Variants in LRBA observed in about 807,000 individuals in gnomAD.
LRBA encodes lipopolysaccharide-responsive and beige-like anchor protein.
LRBA carries 176 observed loss-of-function variants against 330.0 expected under a neutral mutation model. That is an observed-to-expected ratio of 0.53 (90% CI 0.47 to 0.60). The LOEUF (loss-of-function observed/expected upper bound fraction) is 0.60, where lower values mean the gene tolerates loss of function less well. Ranked by LOEUF, LRBA falls within the 20% of genes least tolerant of loss-of-function variation. The pLI, the probability that LRBA is intolerant of heterozygous loss-of-function variation, is 0.00. For synonymous variants in LRBA, 1,230 were observed against 1,193.0 expected (o/e 1.03, Z -0.64); for missense variants, 3,259 against 3,444.8 (o/e 0.95, Z 1.35).
chr4:151,012,652 A>C (rs965786108), intron 2 of LRBA, among the ~76,000 whole-genome samples: 72 of 152,150 alleles, frequency 4.7e-4, no homozygotes, highest in Non-Finnish European at 4.4e-4. Flanking sequence ...TCATTATACT[A>C]TTCTATTTTT....
In LRBA at chr4:150,871,374, T is replaced by G. The variant is rs1273184429; in HGVS notation, c.2338A>C (p.Thr780Pro). Residue 780 changes from threonine to proline, a missense_variant, in exon 19 of 57, where the codon ACA (threonine) becomes CCA (proline). Transcript: ENST00000651943. ...AACAGCACATTATATGTGGTCATTG[T>G]GATTAAATTTGTCTGAAGCATGAGC... ...ERLMLQTNLI[T>P]MTTYNVLFEI... 4.3e-6 allele frequency: 7 copies of G among 1,610,802 alleles called. No individual in the cohort carries two copies. The highest frequency in any genetic ancestry group is 5.9e-6 in the Non-Finnish European group (7 of 1,177,196).
intron 34 of LRBA, among the ~76,000 whole-genome samples, chr4:150,784,289 A>G (rs1401268922): frequency 1.3e-5 from 2 of 152,172 alleles, no homozygotes; most frequent in Non-Finnish European, 2.9e-5. Flanking sequence ...GGAAGTTTTC[A>G]TTTTTAAAGC....
At chr4:150,274,512 G>A (rs1164942350) in intron 56 of LRBA, among the ~76,000 whole-genome samples, 5 of 151,932 alleles carry the variant, frequency 3.3e-5, no homozygotes, top group Non-Finnish European at 7.4e-5. Context: ...TCCAGGAGCT[G>A]GTTTTTTTGA....
chr4:150,380,982 CAAAAAAAAAAAAAAA>C (rs58528401), intron 47 of LRBA, among the ~76,000 whole-genome samples: 1 of 61,008 alleles, frequency 1.6e-5, no homozygotes, highest in Non-Finnish European at 3.0e-5. Context: ...AACTCCATCT[CAAAAAAAAAAAAAAA>C]AAAAAAAAAA....
intron 37 of LRBA, among the ~76,000 whole-genome samples, chr4:150,671,774 GGAA>G (rs1782086383): frequency 6.6e-6 from 1 of 152,162 alleles, no homozygotes; most frequent in Non-Finnish European, 1.5e-5. Flanking sequence ...TGAGTCTTCA[GGAA>G]GAAGAGAGAG....
chr4:150,975,123 G>C (rs1561079909), intron 2 of LRBA, among the ~76,000 whole-genome samples: 2 of 152,146 alleles, frequency 1.3e-5, no homozygotes, highest in Admixed American at 6.5e-5. Flanking sequence ...AATTTCAAGA[G>C]AAACAACAAT....
chr4:150,659,050 G>A (rs1280288328), intron 37 of LRBA, among the ~76,000 whole-genome samples: 43 of 130,290 alleles, frequency 3.3e-4, no homozygotes, highest in Non-Finnish European at 6.2e-4. Context: ...GTGCAGTGGC[G>A]TGATCTCGGC....
At chr4:150,325,324 G>T (rs900124907) in intron 49 of LRBA, among the ~76,000 whole-genome samples, 1 of 152,062 alleles carries the variant, frequency 6.6e-6, no homozygotes, top group African/African-American at 2.4e-5. Flanking sequence ...CTAAGTTTTG[G>T]GTGGTTTGTT....
chr4:150,553,872 AGAGAT>A (rs1174384552), intron 40 of LRBA, among the ~76,000 whole-genome samples: 5 of 152,216 alleles, frequency 3.3e-5, no homozygotes, highest in Non-Finnish European at 5.9e-5. Context: ...ATTAGCCCAA[AGAGAT>A]TCAAGTAAAC....
At chr4:150,412,438 ATCT>A (rs1747137026) in intron 47 of LRBA, among the ~76,000 whole-genome samples, 1 of 152,136 alleles carries the variant, frequency 6.6e-6, no homozygotes, top group Non-Finnish European at 1.5e-5. Flanking sequence ...GTAAACCACA[ATCT>A]TCTTTTCCTT....
Position 150,828,330 on chromosome 4 carries a change from T to C in LRBA, c.5021A>G (p.Lys1674Arg). The C allele has an allele frequency of 6.2e-7, 1 of 1,614,188 alleles. No homozygotes were observed. Among genetic ancestry groups the C allele is most frequent in the Non-Finnish European group, 8.5e-7 (1 of 1,180,020 alleles). The change falls in exon 30 of 57, where the codon AAA (lysine) becomes AGA (arginine). Residue 1674 changes from lysine to arginine, a missense_variant. By Grantham distance (26) the Lys-to-Arg change is conservative. Transcript: ENST00000651943. ...TKATPSVSVS[K>R]NVNVKDILRS... ...GAGAATGTCTTTCACATTGACGTTT[T>C]TTGAAACTGAAACTGACGGTGTAGC...
intron 40 of LRBA, among the ~76,000 whole-genome samples, chr4:150,564,620 T>G (rs1451910808): frequency 6.6e-6 from 1 of 151,974 alleles, no homozygotes; most frequent in East Asian, 1.9e-4. Flanking sequence ...TGGGGGAAAA[T>G]GTTTGCAATC....
Position 150,908,687 on chromosome 4 carries a change from A to G in LRBA, c.1332T>C (p.Val444=). ...GGAGCATGAGTGCATGTGGTGAATG[A>G]ACAAAAATTGAAGGGTTGTCCTTAG... ...SSPKDNPSIF[V]HSPHALMLQD... is the part of the protein sequence containing the mutation. Residue 444 remains valine, a synonymous_variant, in exon 10 of 57, where the codon GTT becomes GTC. Transcript: ENST00000651943. 6.2e-7 allele frequency: 1 copy of G among 1,613,958 alleles called. No homozygotes were observed. Among genetic ancestry groups the G allele is most frequent in the South Asian group, 1.1e-5 (1 of 91,066 alleles).
At chr4:150,619,602 A>G (rs1455673925) in intron 37 of LRBA, among the ~76,000 whole-genome samples, 1 of 152,166 alleles carries the variant, frequency 6.6e-6, no homozygotes, top group African/African-American at 2.4e-5. Context: ...TGTTATTACT[A>G]TACAGATTCC....
intron 17 of LRBA, among the ~76,000 whole-genome samples, chr4:150,885,634 A>T (rs760091263): frequency 7.2e-5 from 11 of 152,108 alleles, no homozygotes; most frequent in Non-Finnish European, 1.6e-4. Flanking sequence ...AAAAAAAGTG[A>T]ATCACAACTA....
chr4:150,469,742 G>A (rs757489211), intron 43 of LRBA, among the ~76,000 whole-genome samples: 6 of 152,050 alleles, frequency 3.9e-5, no homozygotes, highest in Non-Finnish European at 8.8e-5. Context: ...CTCTAACAGG[G>A]TCTTTTCTTT....
intron 38 of LRBA, among the ~76,000 whole-genome samples, chr4:150,592,372 G>T (rs1222435658): frequency 6.8e-6 from 1 of 147,502 alleles, no homozygotes; most frequent in Non-Finnish European, 1.5e-5. Context: ...AAGGTAAAAG[G>T]TTTTTTTTTT....
chr4:150,580,427 TAGAA>T (rs1771159762), intron 40 of LRBA: 1 of 152,024 alleles, frequency 6.6e-6, no homozygotes, highest in African/African-American at 2.4e-5. Flanking sequence ...ACCAAGTAGA[TAGAA>T]AGAAATTAAC....
intron 40 of LRBA, among the ~76,000 whole-genome samples, chr4:150,565,509 T>TA (rs1424766492): frequency 6.6e-6 from 1 of 151,862 alleles, no homozygotes; most frequent in Non-Finnish European, 1.5e-5. Context: ...AAAAATAAAA[T>TA]AAAAAATGTA....
Sources: gnomAD v4.1 joint callset for allele counts (sites outside exome capture counted in the v4.1 genomes callset) on GRCh38, gnomAD v4.1.1 for gene constraint, MANE v1.5 for transcripts, NCBI Gene and HGNC (gene_info 2026-07-23, HGNC 2026-07-21) for gene names.